LRRC8A: variants seen among roughly 807,000 people sequenced by gnomAD.
LRRC8A encodes volume-regulated anion channel subunit LRRC8A.
A neutral mutation model predicts 52.5 loss-of-function variants in LRRC8A; 24 were observed. That is an observed-to-expected ratio of 0.46 (90% CI 0.33 to 0.64). The LOEUF (loss-of-function observed/expected upper bound fraction) is 0.64, where lower values mean the gene tolerates loss of function less well. Among genes scored for constraint, LRRC8A ranks in the 30% least tolerant of loss-of-function variants. The pLI is 0.02. For missense variants in LRRC8A, 677 were observed against 1,094.7 expected, an observed-to-expected ratio of 0.62 and a Z score of 5.38; for synonymous variants, 492 against 494.2, an observed-to-expected ratio of 1.00 and a Z score of 0.06.
chr9:128,894,092 G>A lies in LRRC8A; in HGVS notation c.-9+7971G>A, dbSNP rs190670460. ...GACGGGGTTTCGCCATGTTGGCCAG[G>A]CTGGTCTCAAACTCCTGACCTCAAG... On this transcript the variant is annotated intron_variant, in intron 2 of 3. Transcript: ENST00000372600. Among the ~76,000 whole-genome samples the A allele has an allele frequency of 2.1e-3, 326 of 152,124 alleles. 1 individual carries two copies. Among genetic ancestry groups the A allele is most frequent in the African/African-American group, 7.7e-3 (320 of 41,474 alleles).
intron 2 of LRRC8A, among the ~76,000 whole-genome samples, chr9:128,888,019 CT>C (rs1055859799): frequency 9.2e-5 from 14 of 152,306 alleles, no homozygotes; most frequent in African/African-American, 2.2e-4. Flanking sequence ...TTGAGCCCCC[CT>C]GGCCCCTCCC....
intron 2 of LRRC8A, among the ~76,000 whole-genome samples, chr9:128,895,030 G>C (rs1308998964): frequency 6.6e-6 from 1 of 152,020 alleles, no homozygotes; most frequent in South Asian, 2.1e-4. Flanking sequence ...CCAGGCCCTG[G>C]TATCCCTTCT....
In LRRC8A at chr9:128,916,284, C is replaced by T. The variant is rs777181644; in HGVS notation, c.2346C>T (p.Ser782=). 8.0e-5 allele frequency: 129 copies of T among 1,613,508 alleles called. 1 individual carries two copies. Among genetic ancestry groups the T allele is most frequent in the South Asian group, 5.2e-4 (47 of 91,068 alleles). ...GCGAGTGCCCACTGCTCAAGCGCAG[C>T]GGCTTGGTGGTGGAGGAGGACCTGT... ...ELGECPLLKR[S]GLVVEEDLFN... The change falls in exon 4 of 4, where the codon AGC becomes AGT. Residue 782 remains serine (S), a synonymous_variant. Coordinates refer to ENST00000372600, the MANE Select transcript of LRRC8A (RefSeq NM_019594.4). The surrounding 1 kb of genome is among the most constrained non-coding windows in gnomAD (Gnocchi z 6.1).
intron 2 of LRRC8A, among the ~76,000 whole-genome samples, chr9:128,904,923 G>A (rs1317425775): frequency 6.6e-6 from 1 of 151,246 alleles, no homozygotes; most frequent in Admixed American, 6.6e-5. Context: ...GCGTGAATCT[G>A]GGAGGCGGAG....
rs774385856 is a variant in LRRC8A, at chr9:128,911,319, C to T, written c.2157+1998C>T. 2.0e-5 allele frequency among the ~76,000 whole-genome samples: 3 copies of T among 152,202 alleles called. No homozygotes were observed. Among genetic ancestry groups the T allele is most frequent in the African/African-American group, 7.2e-5 (3 of 41,444 alleles). On this transcript the variant is annotated intron_variant, in intron 3 of 3. Transcript: ENST00000372600. This position sits in a 1 kb window ranked among gnomAD's most constrained non-coding sequence, Gnocchi z 4.9. ...AGGGATTTTGACAAGTCCTTATCTC[C>T]GGCCACCCCATATTATGACTTGAGC...
Position 128,917,351 on chromosome 9 carries a change from A to G in LRRC8A, c.*980A>G, listed in dbSNP as rs1000242541. 7.9e-5 allele frequency: 12 copies of G among 151,924 alleles called. No homozygotes were observed. In the South Asian group the frequency reaches 8.3e-4, roughly 11 times the overall value. 9.4% of individuals were successfully genotyped at this position (151,924 alleles called of 1,614,324 possible). On this transcript the variant is annotated 3_prime_UTR_variant, in exon 4 of 4. Coordinates refer to ENST00000372600, the MANE Select transcript of LRRC8A (RefSeq NM_019594.4). The stretch of plus-strand genomic sequence containing the variant: ...TGGTGTCTTGTTTTCTTTCTCCTCC[A>G]TGTGTCTTGGCAGGCACTCATTTCT...
At chr9:128,893,954 C>T (rs1839721803) in intron 2 of LRRC8A, among the ~76,000 whole-genome samples, 1 of 152,058 alleles carries the variant, frequency 6.6e-6, no homozygotes, top group Non-Finnish European at 1.5e-5. Context: ...ATTCGGCCCA[C>T]TGCAACCTGC....
rs1840307619 is a variant in LRRC8A, at chr9:128,907,653, C to T, written c.489C>T (p.Cys163=). 6.2e-7 allele frequency: 1 copy of T among 1,614,114 alleles called. No homozygotes were observed. Among genetic ancestry groups the T allele is most frequent in the Non-Finnish European group, 8.5e-7 (1 of 1,180,034 alleles). Residue 163 remains cysteine (C), a synonymous_variant, in exon 3 of 4, where the codon TGC becomes TGT. Coordinates refer to ENST00000372600, the MANE Select transcript of LRRC8A (RefSeq NM_019594.4). This position sits in a 1 kb window ranked among gnomAD's most constrained non-coding sequence, Gnocchi z 9.3. ...LEHFVSILLK[C]FDSPWTTRAL... is the part of the protein sequence containing the mutation. ...ACTTTGTGTCTATCCTGCTGAAGTG[C>T]TTCGACTCGCCCTGGACCACGAGGG...
rs1159187744 is a variant in LRRC8A, at chr9:128,902,635, CT to C, written c.-8-4521del. 6.6e-6 allele frequency among the ~76,000 whole-genome samples: 1 copy of C among 152,198 alleles called. No homozygotes were observed. Among genetic ancestry groups the C allele is most frequent in the Non-Finnish European group, 1.5e-5 (1 of 68,032 alleles). On this transcript the variant is annotated intron_variant, in intron 2 of 3. Coordinates refer to ENST00000372600, the MANE Select transcript of LRRC8A (RefSeq NM_019594.4). This position sits in a 1 kb window ranked among gnomAD's most constrained non-coding sequence, Gnocchi z 4.1. ...TGCATGCACCGGGCTCCTCTCCTCC[CT>C]CTTCTGTTCCCCAGTCTTTAGGTCC...
chr9:128,909,431 T>A, intron 3 of LRRC8A, 110 bp downstream of exon 3: 1 of 1,048,506 alleles, frequency 9.5e-7, no homozygotes, highest in South Asian at 1.4e-5. Context: ...TGCCCCTGAG[T>A]GTGGAGTCCT....
Position 128,909,008 on chromosome 9 carries a change from A to ATCAG in LRRC8A, c.1844_1845insTCAG (p.Leu616GlnfsTer6), listed in dbSNP as rs1289669491. 1 of 1,614,048 alleles carries ATCAG rather than the reference A, an allele frequency of 6.2e-7. No homozygotes were observed. Among genetic ancestry groups the ATCAG allele is most frequent in the South Asian group, 1.1e-5 (1 of 91,078 alleles). ...CCCCACTCCATCTTCAGCCTCCACAACCTGCAGGAGATTGACCTCAAGGAC... is the reference window on the plus strand; with the variant it reads ...CCCCACTCCATCTTCAGCCTCCACAATCAGCCTGCAGGAGATTGACCTCAAGGAC... On this transcript the variant is annotated frameshift_variant, in exon 3 of 4. Coordinates refer to ENST00000372600, the MANE Select transcript of LRRC8A (RefSeq NM_019594.4). LOFTEE classifies it high-confidence loss of function.
chr9:128,894,773 A>G (rs1839758418), intron 2 of LRRC8A, among the ~76,000 whole-genome samples: 1 of 146,238 alleles, frequency 6.8e-6, no homozygotes, highest in African/African-American at 2.6e-5. Flanking sequence ...AGCCTTGGCA[A>G]CAGAGTGAGA....
intron 1 of LRRC8A, among the ~76,000 whole-genome samples, chr9:128,884,329 T>C (rs1040060651): frequency 3.3e-5 from 5 of 152,200 alleles, no homozygotes; most frequent in African/African-American, 9.6e-5. Flanking sequence ...CAAGACCTCT[T>C]GGAGATTCAG....
intron 3 of LRRC8A, chr9:128,912,871 G>A (rs1376564775): frequency 6.6e-6 from 1 of 152,348 alleles, no homozygotes; most frequent in Non-Finnish European, 1.5e-5. Flanking sequence ...GGAATTCAAA[G>A]GGACGGGAGT....
Position 128,902,309 on chromosome 9 carries a change from G to A in LRRC8A, c.-8-4848G>A, listed in dbSNP as rs1055295301. On this transcript the variant is annotated intron_variant, in intron 2 of 3. Coordinates refer to ENST00000372600, the MANE Select transcript of LRRC8A (RefSeq NM_019594.4). The surrounding 1 kb of genome is among the most constrained non-coding windows in gnomAD (Gnocchi z 4.1). ...GGTCAGAATCAGACCTGATTGGGAC[G>A]GTGTTTCCTGCCTTGGGCAGGTGGT... Among the ~76,000 whole-genome samples the A allele has an allele frequency of 2.6e-5, 4 of 152,200 alleles. No homozygotes were observed. The highest frequency in any genetic ancestry group is 6.5e-5 in the Admixed American group (1 of 15,288).
intron 2 of LRRC8A, among the ~76,000 whole-genome samples, chr9:128,886,822 A>G (rs948487837): frequency 2.0e-4 from 30 of 152,216 alleles, no homozygotes; most frequent in African/African-American, 7.0e-4. Flanking sequence ...TTTGCCAGAC[A>G]TACTCAGGTC....
At chr9:128,890,009 G>T (rs1315840050) in intron 2 of LRRC8A, among the ~76,000 whole-genome samples, 1 of 151,782 alleles carries the variant, frequency 6.6e-6, no homozygotes, top group East Asian at 1.9e-4. Context: ...CACCTTGTTG[G>T]TCAGGCTGGT....
chr9:128,909,447 G>A (rs1840406890), intron 3 of LRRC8A, 126 bp downstream of exon 3: 2 of 902,840 alleles, frequency 2.2e-6, no homozygotes, highest in African/African-American at 1.7e-5. Flanking sequence ...GTCCTCACCT[G>A]GGGTTTACAG....
At chr9:128,893,557 G>A (rs920691409) in intron 2 of LRRC8A, among the ~76,000 whole-genome samples, 2 of 152,144 alleles carry the variant, frequency 1.3e-5, no homozygotes, top group Non-Finnish European at 2.9e-5. Context: ...TCCCTGCTCT[G>A]CTCCCAGGAG....
Sources: allele counts gnomAD v4.1 joint callset (sites outside exome capture counted in the v4.1 genomes callset), GRCh38; gene constraint gnomAD v4.1.1; non-coding constraint Gnocchi (gnomAD v3.1); transcripts MANE v1.5; gene names NCBI Gene and HGNC (gene_info 2026-07-23, HGNC 2026-07-21).